GPC6: variants seen among roughly 807,000 people sequenced by gnomAD.
GPC6 encodes glypican-6.
In GPC6, 14 loss-of-function variants were observed where a neutral mutation model predicts 55.2. The observed-to-expected ratio is 0.25, with a 90% confidence interval of 0.17 to 0.40. The LOEUF is 0.40. Among genes scored for constraint, GPC6 ranks in the 10% least tolerant of loss-of-function variants. The pLI is 1.00. For synonymous variants in GPC6, 278 were observed against 259.6 expected, an observed-to-expected ratio of 1.07 and a Z score of -0.68; for missense variants, 641 against 708.5, an observed-to-expected ratio of 0.90 and a Z score of 1.08.
At chr13:94,014,929 C>T (rs1882400756) in intron 3 of GPC6, among the ~76,000 whole-genome samples, 1 of 152,178 alleles carries the variant, frequency 6.6e-6, no homozygotes, top group African/African-American at 2.4e-5. Context: ...TCTGTTTACT[C>T]ATTCATCATT....
chr13:93,402,742 G>A (rs932845323), intron 1 of GPC6, among the ~76,000 whole-genome samples: 1 of 152,042 alleles, frequency 6.6e-6, no homozygotes, highest in African/African-American at 2.4e-5. Context: ...TATTCCACTG[G>A]ACCCTTTTTG....
chr13:94,276,747 T>G (rs894545401), intron 4 of GPC6, among the ~76,000 whole-genome samples: 7 of 152,208 alleles, frequency 4.6e-5, no homozygotes, highest in African/African-American at 1.7e-4. Context: ...GTTTTATCCA[T>G]GTCCCTGGAA....
intron 5 of GPC6, 41 bp from the exon 6 acceptor site, chr13:94,305,939 C>T (rs1284928936): frequency 5.0e-6 from 8 of 1,601,026 alleles, no homozygotes; most frequent in Middle Eastern, 1.7e-4. Context: ...TAGGAGAAAA[C>T]TCATTGTATA....
At chr13:93,715,647 A>C (rs1342901322) in intron 2 of GPC6, among the ~76,000 whole-genome samples, 1 of 151,704 alleles carries the variant, frequency 6.6e-6, no homozygotes, top group Non-Finnish European at 1.5e-5. Context: ...GAAAGATATC[A>C]GTTTCAAGAA....
intron 1 of GPC6, among the ~76,000 whole-genome samples, chr13:93,496,890 A>G (rs1487889793): frequency 6.6e-6 from 1 of 152,244 alleles, no homozygotes; most frequent in Admixed American, 6.5e-5. Context: ...AATATATACA[A>G]GATTGAGTCT....
At chr13:93,368,380 C>T (rs1277228114) in intron 1 of GPC6, among the ~76,000 whole-genome samples, 1 of 133,288 alleles carries the variant, frequency 7.5e-6, no homozygotes, top group Non-Finnish European at 1.6e-5. Flanking sequence ...TTCCTTCCTT[C>T]CTTCCTTCCG....
rs1876602064 is a variant in GPC6 at position 93,246,387 on chromosome 13, C to A, written c.160+18771C>A. 1.4e-5 allele frequency among the ~76,000 whole-genome samples: 2 copies of A among 143,504 alleles called. 1 individual carries two copies. Among genetic ancestry groups the A allele is most frequent in the South Asian group, 4.5e-4 (2 of 4,432 alleles). The allele number at this position is 143,504 out of a possible 152,430, so 94.1% of individuals were successfully genotyped here. ...GAGATTAGCAGGGGCCAGTGCTTCT[C>A]CACAGAATTTGAAGGAACTAGAGGT... On this transcript the variant is annotated intron_variant, in intron 1 of 8. Coordinates refer to ENST00000377047, the MANE Select transcript of GPC6 (RefSeq NM_005708.5).
At chr13:93,352,969 A>G (rs1363945728) in intron 1 of GPC6, among the ~76,000 whole-genome samples, 1 of 152,178 alleles carries the variant, frequency 6.6e-6, no homozygotes, top group Non-Finnish European at 1.5e-5. Flanking sequence ...GATTTATACA[A>G]ACATTCAAGT....
At chr13:94,299,088 T>G (rs1277057299) in intron 5 of GPC6, among the ~76,000 whole-genome samples, 2 of 152,234 alleles carry the variant, frequency 1.3e-5, no homozygotes, top group East Asian at 3.8e-4. Flanking sequence ...TGCTGGTAAC[T>G]CCTACAGATA....
chr13:93,855,692 G>A (rs1888579989), intron 3 of GPC6, among the ~76,000 whole-genome samples: 1 of 151,594 alleles, frequency 6.6e-6, no homozygotes, highest in Non-Finnish European at 1.5e-5. Context: ...TGTTGTCAGT[G>A]TTCTGGATTT....
chr13:93,539,126 A>T (rs919129490), intron 1 of GPC6, among the ~76,000 whole-genome samples: 5 of 152,100 alleles, frequency 3.3e-5, no homozygotes, highest in Admixed American at 3.3e-4. Context: ...ACACTTAGAG[A>T]TTTTGATTGT....
At chr13:93,811,299 G>C (rs550117127) in intron 2 of GPC6, among the ~76,000 whole-genome samples, 1 of 152,302 alleles carries the variant, frequency 6.6e-6, no homozygotes, top group East Asian at 1.9e-4. Context: ...AACATGGACT[G>C]CTCAAAAACA....
intron 2 of GPC6, among the ~76,000 whole-genome samples, chr13:93,577,095 G>C (rs893517381): frequency 1.3e-5 from 2 of 152,132 alleles, no homozygotes; most frequent in Non-Finnish European, 2.9e-5. Flanking sequence ...TTGAGTATGA[G>C]TGTTCTAGGA....
At chr13:94,070,473 A>G (rs950394221) in intron 4 of GPC6, among the ~76,000 whole-genome samples, 1 of 152,186 alleles carries the variant, frequency 6.6e-6, no homozygotes, top group African/African-American at 2.4e-5. Context: ...CACTAGATGG[A>G]GAACATGTTA....
chr13:93,472,291 G>T (rs1236327840), intron 1 of GPC6, among the ~76,000 whole-genome samples: 1 of 152,152 alleles, frequency 6.6e-6, no homozygotes, highest in Non-Finnish European at 1.5e-5. Flanking sequence ...GGGCCCACAG[G>T]GCCCATTCCA....
At chr13:93,740,117 A>T (rs1319256491) in intron 2 of GPC6, among the ~76,000 whole-genome samples, 2 of 152,200 alleles carry the variant, frequency 1.3e-5, no homozygotes, top group Non-Finnish European at 2.9e-5. Context: ...TGTTTCCAAT[A>T]ACCAGTAAGA....
At chr13:93,447,327 CT>C in intron 1 of GPC6, among the ~76,000 whole-genome samples, 1 of 152,274 alleles carries the variant, frequency 6.6e-6, no homozygotes, top group Non-Finnish European at 1.5e-5. Flanking sequence ...TGCAAATGTT[CT>C]CATCACATGT....
chr13:93,410,017 G>T (rs1449816348), intron 1 of GPC6, among the ~76,000 whole-genome samples: 2 of 152,158 alleles, frequency 1.3e-5, no homozygotes, highest in East Asian at 3.9e-4. Flanking sequence ...TTCCCCTGGA[G>T]ACTGGCCTAC....
intron 4 of GPC6, among the ~76,000 whole-genome samples, chr13:94,242,605 T>C (rs895833477): frequency 2.6e-5 from 4 of 152,092 alleles, no homozygotes; most frequent in Admixed American, 2.6e-4. Context: ...TTCAGCAGCC[T>C]TAATGTGATG....
Sources: allele counts gnomAD v4.1 joint callset (sites outside exome capture counted in the v4.1 genomes callset), GRCh38; gene constraint gnomAD v4.1.1; transcripts MANE v1.5; gene names NCBI Gene and HGNC (gene_info 2026-07-23, HGNC 2026-07-21).